The following ZNHIT6 variants were observed in gnomAD, a reference collection of about 807,000 sequenced individuals.
ZNHIT6 encodes the protein zinc finger HIT-type containing 6, also known as box C/D snoRNA protein 1.
A neutral mutation model predicts 57.2 loss-of-function variants in ZNHIT6; 45 were observed. The observed-to-expected ratio is 0.79, with a 90% CI of 0.62 to 1.01. ZNHIT6 has a LOEUF of 1.01. ZNHIT6 is among the 50% of genes least tolerant of loss of function. ZNHIT6 has a pLI of 0.00. For synonymous variants in ZNHIT6, 188 were observed against 190.0 expected (o/e 0.99, Z 0.09); for missense variants, 528 against 567.3 (o/e 0.93, Z 0.70).
intron 8 of ZNHIT6, among the ~76,000 whole-genome samples, chr1:85,667,964 A>G (rs184255510): frequency 0.028 from 2,989 of 106,482 alleles, 295 homozygotes; most frequent in East Asian, 0.056. Context: ...AAAAAAAAAT[A>G]TATATATATA....
intron 8 of ZNHIT6, among the ~76,000 whole-genome samples, chr1:85,670,121 T>C (rs778575109): frequency 1.3e-5 from 2 of 149,004 alleles, no homozygotes; most frequent in African/African-American, 2.5e-5. Flanking sequence ...TTACATGATA[T>C]ACAGATATCA....
chr1:85,700,561 C>T (rs12758966), intron 5 of ZNHIT6, among the ~76,000 whole-genome samples: 144,661 of 152,240 alleles, frequency 0.95, 68,782 homozygotes, highest in Non-Finnish European at 0.97. Flanking sequence ...CATTCATGTA[C>T]CTACAGACAC....
intron 4 of ZNHIT6, among the ~76,000 whole-genome samples, chr1:85,704,623 T>C (rs1441585989): frequency 6.6e-6 from 1 of 152,130 alleles, no homozygotes; most frequent in Non-Finnish European, 1.5e-5. Flanking sequence ...TAAAAAAAAA[T>C]TGTAAAGTAA....
At chr1:85,656,099 G>C (rs1235436275) in intron 9 of ZNHIT6, among the ~76,000 whole-genome samples, 1 of 152,060 alleles carries the variant, frequency 6.6e-6, no homozygotes, top group Non-Finnish European at 1.5e-5. Flanking sequence ...CCCTCATCAA[G>C]GTATCACCCT....
intron 8 of ZNHIT6, among the ~76,000 whole-genome samples, chr1:85,674,790 G>C (rs1427162388): frequency 6.6e-6 from 1 of 152,106 alleles, no homozygotes; most frequent in Non-Finnish European, 1.5e-5. Context: ...AGCCTACTAA[G>C]AGAATATCTC....
intron 8 of ZNHIT6, among the ~76,000 whole-genome samples, chr1:85,673,349 C>CA (rs1192799648): frequency 6.6e-6 from 1 of 152,160 alleles, no homozygotes; most frequent in Admixed American, 6.5e-5. Flanking sequence ...CCAAACAGAT[C>CA]AGTAGCGAAT....
In ZNHIT6 at chr1:85,650,274, A is replaced by G. The variant is rs1660868526; in HGVS notation, c.*3784T>C. The G allele has an allele frequency of 6.6e-6, 1 of 152,336 alleles. No homozygotes were observed. 9.4% of individuals were successfully genotyped at this position (152,336 alleles called of 1,614,324 possible). A position where few individuals can be genotyped will look rare whatever the true frequency, so the allele number is the denominator to read the frequency against. On this transcript the variant is annotated 3_prime_UTR_variant, in exon 10 of 10. Transcript: ENST00000370574. The stretch of plus-strand genomic sequence containing the variant: ...AAAATGTCAATTGCTGTTATCCACC[A>G]TCCTCTCACCTCACTGTTCCTCATC...
chr1:85,664,799 A>G (rs1433517848), intron 8 of ZNHIT6, among the ~76,000 whole-genome samples: 1 of 151,970 alleles, frequency 6.6e-6, no homozygotes, highest in African/African-American at 2.4e-5. Flanking sequence ...AAAGCTAAGT[A>G]GATCCTCAGT....
At chr1:85,667,961 A>AAAAAAAAAAAAAAT in intron 8 of ZNHIT6, among the ~76,000 whole-genome samples, 4 of 18,202 alleles carry the variant, frequency 2.2e-4, no homozygotes, top group Non-Finnish European at 2.0e-4. Flanking sequence ...AAAAAAAAAA[A>AAAAAAAAAAAAAAT]ATATATATAT....
intron 8 of ZNHIT6, among the ~76,000 whole-genome samples, chr1:85,673,357 A>G (rs1262366348): frequency 1.3e-5 from 2 of 152,228 alleles, no homozygotes; most frequent in African/African-American, 4.8e-5. Flanking sequence ...ATCAGTAGCG[A>G]ATTCCTTAGA....
At position 85,708,425 on chromosome 1, in the gene ZNHIT6, G is replaced by A; in HGVS notation, c.-141C>T. 1 of 1,067,310 alleles carries A rather than the reference G, an allele frequency of 9.4e-7. No individual in the cohort carries two copies. Among genetic ancestry groups the A allele is most frequent in the Non-Finnish European group, 1.3e-6 (1 of 757,756 alleles). 66.1% of individuals were successfully genotyped at this position (1,067,310 alleles called of 1,614,324 possible). ...GCCACAAACCCGGAATAGCCTGCTT[G>A]ACGCGACTGCTCGAATCGCCGTAAA... On this transcript the variant is annotated 5_prime_UTR_variant, in exon 1 of 10. Transcript: ENST00000370574.
intron 5 of ZNHIT6, among the ~76,000 whole-genome samples, chr1:85,698,243 A>G (rs1386033761): frequency 1.3e-5 from 2 of 152,170 alleles, no homozygotes; most frequent in Non-Finnish European, 2.9e-5. Context: ...CCTCACTTTG[A>G]CTATTCAGTG....
chr1:85,695,186 C>A (rs2100707618), intron 5 of ZNHIT6, among the ~76,000 whole-genome samples: 1 of 152,114 alleles, frequency 6.6e-6, no homozygotes, highest in South Asian at 2.1e-4. Flanking sequence ...ATTGCTTGAA[C>A]CCAGAAGATG....
At chr1:85,694,467 T>TC (rs971479417) in intron 5 of ZNHIT6, among the ~76,000 whole-genome samples, 2 of 4,790 alleles carry the variant, frequency 4.2e-4, no homozygotes, top group African/African-American at 8.6e-4. Context: ...TTTTCGTTTT[T>TC]CTTTTTTTTT....
Position 85,653,836 on chromosome 1 carries a change from T to A in ZNHIT6, c.*222A>T, listed in dbSNP as rs913969124. The A allele has an allele frequency of 7.7e-6, 4 of 520,702 alleles. No homozygotes were observed. The African/African-American group carries it at 7.9e-5, about 10-fold the overall frequency. 32.3% of individuals were successfully genotyped at this position (520,702 alleles called of 1,614,324 possible). Reference sequence around the variant, plus strand: ...CAGGGCCTAATAAGTACTATGCTGATCAAGTGCAAAGGAGAGTTCTTAATA... The same window carrying A: ...CAGGGCCTAATAAGTACTATGCTGAACAAGTGCAAAGGAGAGTTCTTAATA... On this transcript the variant is annotated 3_prime_UTR_variant, in exon 10 of 10. Coordinates refer to ENST00000370574, the MANE Select transcript of ZNHIT6 (RefSeq NM_017953.4).
At chr1:85,706,530 T>G in intron 1 of ZNHIT6, 23 bp from the exon 2 acceptor site, 1 of 1,520,374 alleles carries the variant, frequency 6.6e-7, no homozygotes, top group East Asian at 2.3e-5. Flanking sequence ...ACATGTAACA[T>G]TAAATTATCA....
At position 85,708,109 on chromosome 1, in the gene ZNHIT6, T is replaced by A. The variant is rs757619109; in HGVS notation, c.176A>T (p.Asp59Val). The A allele has an allele frequency of 8.7e-6, 14 of 1,613,882 alleles. No homozygotes were observed. The highest frequency in any genetic ancestry group is 6.7e-5 in the East Asian group (3 of 44,872). The change falls in exon 1 of 10, where the codon GAT (aspartate) becomes GTT (valine). Residue 59 changes from aspartate to valine, a missense_variant. Transcript: ENST00000370574. Reference protein sequence around the residue: ...TGLTGIKEIGDGEEGSGQRPE... With the variant: ...TGLTGIKEIGVGEEGSGQRPE... Reference sequence around the variant, plus strand: ...CCTTTGTCCACTTCCTTCCTCTCCATCCCCTATCTCCTTTATCCCTGTCAG... The same window carrying A: ...CCTTTGTCCACTTCCTTCCTCTCCAACCCCTATCTCCTTTATCCCTGTCAG...
chr1:85,650,901 C>T lies in ZNHIT6; in HGVS notation c.*3157G>A, dbSNP rs1026542505. ...CTATCTGCCCCCATGACCCAAACAC[C>T]TTCCATTAGGCTCTGCCTCCCAACA... is the stretch of plus-strand genomic sequence containing the variant. On this transcript the variant is annotated 3_prime_UTR_variant, in exon 10 of 10. Transcript: ENST00000370574. 6.6e-6 allele frequency: 1 copy of T among 152,188 alleles called. No homozygotes were observed. Among genetic ancestry groups the T allele is most frequent in the Non-Finnish European group, 1.5e-5 (1 of 68,044 alleles). The allele number at this position is 152,188 out of a possible 1,614,324, so 9.4% of individuals were successfully genotyped here.
intron 5 of ZNHIT6, among the ~76,000 whole-genome samples, chr1:85,689,232 C>T (rs1210420745): frequency 6.6e-6 from 1 of 152,094 alleles, no homozygotes; most frequent in Non-Finnish European, 1.5e-5. Flanking sequence ...AAGAAAAATA[C>T]AAAATCTATA....
Sources: gnomAD v4.1 joint callset for allele counts (sites outside exome capture counted in the v4.1 genomes callset) on GRCh38, gnomAD v4.1.1 for gene constraint, MANE v1.5 for transcripts, NCBI Gene and HGNC (gene_info 2026-07-23, HGNC 2026-07-21) for gene names.